Variants in IFT80 observed in about 807,000 individuals in gnomAD.
IFT80 encodes intraflagellar transport 80.
Under a neutral mutation model 107.9 loss-of-function variants are expected in IFT80, and 79 were observed. The observed-to-expected ratio is 0.73, with a 90% CI of 0.61 to 0.88. The LOEUF (loss-of-function observed/expected upper bound fraction) is 0.88, where lower values mean the gene tolerates loss of function less well. IFT80 is among the 40% of genes least tolerant of loss of function. The pLI is 0.00. For synonymous variants in IFT80, 299 were observed against 300.9 expected, an observed-to-expected ratio of 0.99 and a Z score of 0.07; for missense variants, 797 against 914.2, an observed-to-expected ratio of 0.87 and a Z score of 1.65.
intron 1 of IFT80, among the ~76,000 whole-genome samples, chr3:160,391,809 T>G (rs139035296): frequency 6.6e-6 from 1 of 152,234 alleles, no homozygotes; most frequent in Non-Finnish European, 1.5e-5. Flanking sequence ...TTGTGGAAAG[T>G]CACATCAATC....
At chr3:160,296,675 C>G (rs1023709420) in intron 12 of IFT80, among the ~76,000 whole-genome samples, 2 of 152,136 alleles carry the variant, frequency 1.3e-5, no homozygotes, top group Non-Finnish European at 2.9e-5. Flanking sequence ...CATTCTTCAA[C>G]CTATGACAAT....
intron 1 of IFT80, among the ~76,000 whole-genome samples, chr3:160,388,105 G>A (rs571345909): frequency 6.6e-6 from 1 of 152,114 alleles, no homozygotes; most frequent in Admixed American, 6.5e-5. Flanking sequence ...TAGAGATAAG[G>A]ACAATTAGCC....
chr3:160,343,792 G>T, intron 8 of IFT80: 2 of 343,954 alleles, frequency 5.8e-6, no homozygotes, highest in Non-Finnish European at 5.8e-6. Context: ...CTTGTTTATA[G>T]TCTTTCATCT....
intron 8 of IFT80, among the ~76,000 whole-genome samples, chr3:160,346,889 T>A (rs1409942373): frequency 6.6e-6 from 1 of 152,174 alleles, no homozygotes; most frequent in Non-Finnish European, 1.5e-5. Flanking sequence ...AAGCCTCACA[T>A]CCTCTGGTCT....
At chr3:160,387,596 G>C (rs931320516) in intron 1 of IFT80, among the ~76,000 whole-genome samples, 3 of 152,176 alleles carry the variant, frequency 2.0e-5, no homozygotes, top group Admixed American at 1.3e-4. Flanking sequence ...GGAAGATTGA[G>C]AAACAGGTTG....
chr3:160,268,392 A>G, intron 19 of IFT80, 21 bp downstream of exon 19: 1 of 1,592,748 alleles, frequency 6.3e-7, no homozygotes, highest in South Asian at 1.1e-5. Context: ...GTATTATTAT[A>G]CAAAATTGTG....
intron 12 of IFT80, among the ~76,000 whole-genome samples, chr3:160,292,072 A>G (rs201284321): frequency 1.3e-5 from 2 of 152,206 alleles, no homozygotes; most frequent in East Asian, 3.8e-4. Flanking sequence ...GGCCCTACAC[A>G]TAGCTGGAAA....
At chr3:160,288,702 T>C (rs1229722667) in intron 12 of IFT80, among the ~76,000 whole-genome samples, 1 of 152,012 alleles carries the variant, frequency 6.6e-6, no homozygotes, top group South Asian at 2.1e-4. Context: ...AAGATATACA[T>C]GTGGCCAACA....
chr3:160,305,469 A>G (rs754183881), intron 10 of IFT80, among the ~76,000 whole-genome samples: 1 of 152,176 alleles, frequency 6.6e-6, no homozygotes, highest in Non-Finnish European at 1.5e-5. Context: ...TTAGAAAAAA[A>G]TCACAAAATA....
In IFT80 at chr3:160,296,042, C is replaced by A. The variant is rs1338914848; in HGVS notation, c.1315+4841G>T. Among the ~76,000 whole-genome samples, 5 of 152,092 alleles carry A rather than the reference C, an allele frequency of 3.3e-5. No individual in the cohort carries two copies. The East Asian group carries it at 9.6e-4, about 29-fold the overall frequency. Reference sequence around the variant, plus strand: ...AATCAAGGGCATAAAATTTCAGTAACACAAGATGAATTAAGTTCCAGGTAT... The same window carrying A: ...AATCAAGGGCATAAAATTTCAGTAAAACAAGATGAATTAAGTTCCAGGTAT... On this transcript the variant is annotated intron_variant, in intron 12 of 19. Coordinates refer to ENST00000326448, the MANE Select transcript of IFT80 (RefSeq NM_020800.3).
chr3:160,296,158 T>A (rs1172672704), intron 12 of IFT80, among the ~76,000 whole-genome samples: 1 of 152,134 alleles, frequency 6.6e-6, no homozygotes, highest in African/African-American at 2.4e-5. Context: ...GTAGATCTCA[T>A]GTTAACTATT....
chr3:160,268,336 A>G (rs112382107), intron 19 of IFT80, 77 bp downstream of exon 19: 3 of 1,309,914 alleles, frequency 2.3e-6, no homozygotes, highest in African/African-American at 1.5e-5. Flanking sequence ...AATCATTCAC[A>G]TTTTGTCTCA....
chr3:160,337,034 A>C (rs963429107), intron 8 of IFT80, among the ~76,000 whole-genome samples: 1 of 152,192 alleles, frequency 6.6e-6, no homozygotes, highest in African/African-American at 2.4e-5. Context: ...ATTAATATCT[A>C]TAAGTCAGTC....
chr3:160,300,398 T>A (rs903249451), intron 12 of IFT80, among the ~76,000 whole-genome samples: 1 of 152,104 alleles, frequency 6.6e-6, no homozygotes, highest in African/African-American at 2.4e-5. Context: ...TAACTACTAA[T>A]GTGGCCTAGA....
intron 9 of IFT80, among the ~76,000 whole-genome samples, chr3:160,312,226 C>T (rs949708679): frequency 2.6e-5 from 4 of 151,990 alleles, no homozygotes; most frequent in Admixed American, 1.3e-4. Context: ...CTGAGCAGGC[C>T]GCTGACTGCA....
intron 3 of IFT80, among the ~76,000 whole-genome samples, chr3:160,381,265 T>TATATATATATATA (rs1559971346): frequency 6.7e-4 from 91 of 135,130 alleles, no homozygotes; most frequent in Non-Finnish European, 9.1e-4. Flanking sequence ...TATATATATA[T>TATATATATATATA]TAAAGCCAAA....
intron 8 of IFT80, among the ~76,000 whole-genome samples, chr3:160,350,545 G>A (rs747837248): frequency 8.5e-5 from 13 of 152,068 alleles, no homozygotes; most frequent in African/African-American, 1.9e-4. Flanking sequence ...GGCAGGACAC[G>A]GTGGCTCATG....
chr3:160,268,897 G>T, intron 18 of IFT80: 1 of 258,464 alleles, frequency 3.9e-6, no homozygotes, highest in Non-Finnish European at 7.5e-6. Flanking sequence ...TCTCTTTGGT[G>T]AGTAATACAG....
At chr3:160,321,545 G>A (rs906916933) in intron 8 of IFT80, among the ~76,000 whole-genome samples, 2 of 151,802 alleles carry the variant, frequency 1.3e-5, no homozygotes, top group African/African-American at 2.4e-5. Context: ...AACTATAGAA[G>A]GTGCTAAAAC....
Sources: gnomAD v4.1 joint callset for allele counts (sites outside exome capture counted in the v4.1 genomes callset) on GRCh38, gnomAD v4.1.1 for gene constraint, MANE v1.5 for transcripts, NCBI Gene and HGNC (gene_info 2026-07-23, HGNC 2026-07-21) for gene names.